The following SMURF1 variants were observed in gnomAD, a reference collection of about 807,000 sequenced individuals.
The protein encoded by SMURF1 is E3 ubiquitin-protein ligase SMURF1.
Under a neutral mutation model 98.0 loss-of-function variants are expected in SMURF1, and 44 were observed. That is an observed-to-expected ratio of 0.45 (90% CI 0.35 to 0.58). The LOEUF is 0.58. Among genes scored for constraint, SMURF1 ranks in the 20% least tolerant of loss-of-function variants. The probability of loss-of-function intolerance (pLI) is 0.00; values close to 1 mark genes in which losing one functional copy is unlikely to be tolerated. For missense variants in SMURF1, 687 were observed against 938.4 expected, an observed-to-expected ratio of 0.73 and a Z score of 3.50; for synonymous variants, 396 against 374.9, an observed-to-expected ratio of 1.06 and a Z score of -0.65.
Position 99,033,128 on chromosome 7 carries a change from A to G in SMURF1, c.2012-7T>C, listed in dbSNP as rs372171116. The G allele has an allele frequency of 9.6e-6, 15 of 1,567,832 alleles. No homozygotes were observed. In the African/African-American group the frequency reaches 1.5e-4, roughly 16 times the overall value. ...CCTGCCGCGCCTGTAGAACCTTACA[A>G]GACAACATTCTAGTTAATGTACTTC... is the stretch of plus-strand genomic sequence containing the variant. On this transcript the variant is annotated splice_polypyrimidine_tract_variant and splice_region_variant and intron_variant, in intron 16 of 17. Transcript: ENST00000361368.
chr7:99,087,595 G>A (rs1225425832), intron 1 of SMURF1, among the ~76,000 whole-genome samples: 2 of 152,202 alleles, frequency 1.3e-5, no homozygotes, highest in African/African-American at 4.8e-5. Context: ...AAAAGGTAGT[G>A]TCTGGGCATA....
chr7:99,081,865 C>A (rs1025710250), intron 1 of SMURF1, among the ~76,000 whole-genome samples: 1 of 152,194 alleles, frequency 6.6e-6, no homozygotes, highest in Non-Finnish European at 1.5e-5. Flanking sequence ...GTTGGCCAGG[C>A]TGGTCTCGAA....
intron 10 of SMURF1, 143 bp from the exon 11 acceptor site, chr7:99,045,944 G>A (rs1013171304): frequency 2.3e-4 from 151 of 648,384 alleles, no homozygotes; most frequent in African/African-American, 2.3e-3. Flanking sequence ...ATGTTTCTTC[G>A]GCATCTAGTA....
At chr7:99,085,649 G>A (rs1283383056) in intron 1 of SMURF1, among the ~76,000 whole-genome samples, 1 of 152,146 alleles carries the variant, frequency 6.6e-6, no homozygotes, top group Non-Finnish European at 1.5e-5. Context: ...CACTCGTGGT[G>A]CAGTACATTC....
chr7:99,098,078 C>T (rs1796995009), intron 1 of SMURF1, among the ~76,000 whole-genome samples: 1 of 152,112 alleles, frequency 6.6e-6, no homozygotes, highest in Non-Finnish European at 1.5e-5. Flanking sequence ...TTATTGAAAA[C>T]ACATAAAACG....
At chr7:99,069,402 A>G (rs1048610974) in intron 1 of SMURF1, among the ~76,000 whole-genome samples, 10 of 152,224 alleles carry the variant, frequency 6.6e-5, no homozygotes, top group Non-Finnish European at 1.5e-4. Context: ...TCTGTCACCC[A>G]GGCTAGAATG....
intron 9 of SMURF1, chr7:99,048,938 A>G (rs762442528): frequency 6.6e-5 from 10 of 152,288 alleles, no homozygotes; most frequent in Non-Finnish European, 1.0e-4. Context: ...TAAAAATACA[A>G]TAATTAGCTG....
At chr7:99,054,613 G>T (rs1795837227) in intron 6 of SMURF1, among the ~76,000 whole-genome samples, 177 bp downstream of exon 6, 1 of 152,118 alleles carries the variant, frequency 6.6e-6, no homozygotes, top group Non-Finnish European at 1.5e-5. Context: ...GCCAACTCCA[G>T]TTGTATTTAC....
At chr7:99,119,048 G>A (rs1797532354) in intron 1 of SMURF1, among the ~76,000 whole-genome samples, 1 of 105,648 alleles carries the variant, frequency 9.5e-6, no homozygotes, top group East Asian at 3.0e-4. Flanking sequence ...TTTTTTTAGA[G>A]ACAGGGTCTC....
chr7:99,109,025 G>T (rs891620420), intron 1 of SMURF1, among the ~76,000 whole-genome samples: 3 of 152,094 alleles, frequency 2.0e-5, no homozygotes, highest in African/African-American at 7.2e-5. Flanking sequence ...AGCCTACTCT[G>T]CTATACTCTC....
intron 3 of SMURF1, among the ~76,000 whole-genome samples, chr7:99,060,215 T>C (rs1450486248): frequency 6.6e-6 from 1 of 151,148 alleles, no homozygotes; most frequent in Non-Finnish European, 1.5e-5. Context: ...CCATCTCTAC[T>C]AAAAAATACA....
intron 13 of SMURF1, among the ~76,000 whole-genome samples, chr7:99,040,129 T>A (rs916292618): frequency 2.0e-5 from 3 of 152,074 alleles, no homozygotes; most frequent in Admixed American, 2.0e-4. Context: ...TCTGGTGGGT[T>A]TTTTTGTATT....
chr7:99,088,493 T>C (rs1465908569), intron 1 of SMURF1, among the ~76,000 whole-genome samples: 1 of 151,798 alleles, frequency 6.6e-6, no homozygotes, highest in South Asian at 2.1e-4. Flanking sequence ...TTTTTTTTTT[T>C]CCATTGGTAC....
intron 1 of SMURF1, among the ~76,000 whole-genome samples, chr7:99,079,908 GAATT>G (rs1040473385): frequency 3.2e-4 from 48 of 150,504 alleles, no homozygotes; most frequent in African/African-American, 1.1e-3. Flanking sequence ...CAGAAAGAAG[GAATT>G]AATAAAGATA....
chr7:99,079,259 C>T (rs1389727495), intron 1 of SMURF1, among the ~76,000 whole-genome samples: 1 of 152,240 alleles, frequency 6.6e-6, no homozygotes, highest in African/African-American at 2.4e-5. Flanking sequence ...GGCTCGTTCT[C>T]CATCTGCAAG....
chr7:99,129,594 G>A (rs1031866114), intron 1 of SMURF1, among the ~76,000 whole-genome samples: 1 of 152,130 alleles, frequency 6.6e-6, no homozygotes, highest in Non-Finnish European at 1.5e-5. Context: ...GTCTTGCTGT[G>A]TTGCCCCAGC....
chr7:99,045,134 G>A lies in SMURF1; in HGVS notation c.1256+564C>T, dbSNP rs12671773. 1.6e-3 allele frequency among the ~76,000 whole-genome samples: 241 copies of A among 151,678 alleles called. 7 individuals carry two copies. The East Asian group carries it at 0.043, about 27-fold the overall frequency. ...AGCCTGGGCAACAGAGCAAGACCCCGTCTCAAAAAAGACCAAAAAAAAAAA... is the reference window on the plus strand; with the variant it reads ...AGCCTGGGCAACAGAGCAAGACCCCATCTCAAAAAAGACCAAAAAAAAAAA... On this transcript the variant is annotated intron_variant, in intron 11 of 17. Coordinates refer to ENST00000361368, the MANE Select transcript of SMURF1 (RefSeq NM_181349.3).
chr7:99,035,639 G>C lies in SMURF1; in HGVS notation c.1887C>G (p.Asp629Glu), dbSNP rs775761928. 25 of 1,614,232 alleles carry C rather than the reference G, an allele frequency of 1.5e-5. No homozygotes were observed. Among genetic ancestry groups the C allele is most frequent in the Non-Finnish European group, 2.0e-5 (24 of 1,180,044 alleles). Reference sequence around the variant, plus strand: ...GCCAGAACCACCGCACGATGTTGCTGTCGGCCACACAGTGCTTCAGCCGCG... The same window carrying C: ...GCCAGAACCACCGCACGATGTTGCTCTCGGCCACACAGTGCTTCAGCCGCG... ...SNTRLKHCVA[D>E]SNIVRWFWQA... The change falls in exon 16 of 18, where the codon GAC becomes GAG. Residue 629 changes from aspartate to glutamate, a missense_variant. Around this residue, in one of 2 missense-constraint regions of SMURF1, gnomAD observed 272 missense variants for 430.0 expected, o/e 0.63. Transcript: ENST00000361368.
chr7:99,107,962 G>GACCTAATTTGCCTATGTGAGA (rs1242032665), intron 1 of SMURF1, among the ~76,000 whole-genome samples: 1 of 152,196 alleles, frequency 6.6e-6, no homozygotes, highest in East Asian at 1.9e-4. Context: ...TGAAGTTGCT[G>GACCTAATTTGCCTATGTGAGA]ACCTAATTTG....
Sources: allele counts gnomAD v4.1 joint callset (sites outside exome capture counted in the v4.1 genomes callset), GRCh38; gene constraint gnomAD v4.1.1; regional missense constraint gnomAD v4.1.1; transcripts MANE v1.5; gene names NCBI Gene and HGNC (gene_info 2026-07-23, HGNC 2026-07-21).